SH3RF1: variants seen among roughly 807,000 people sequenced by gnomAD.
The protein encoded by SH3RF1 is SH3 domain containing ring finger 1.
SH3RF1 carries 32 observed loss-of-function variants against 74.0 expected under a neutral mutation model. The ratio of observed to expected loss-of-function variants is 0.43; its 90% CI spans 0.33 to 0.58. SH3RF1 has a LOEUF of 0.58. Among genes scored for constraint, SH3RF1 ranks in the 20% least tolerant of loss-of-function variants. SH3RF1 has a pLI of 0.05. For missense variants in SH3RF1, 954 were observed against 1,130.9 expected (o/e 0.84, Z 2.24); for synonymous variants, 396 against 439.6 (o/e 0.90, Z 1.24).
chr4:169,111,890 C>A (rs1383319782), intron 10 of SH3RF1, among the ~76,000 whole-genome samples: 2 of 152,192 alleles, frequency 1.3e-5, no homozygotes, highest in Non-Finnish European at 1.5e-5. Flanking sequence ...GAGATTTTAA[C>A]ACAAGGACAA....
At chr4:169,146,773 T>C (rs1285827530) in intron 4 of SH3RF1, among the ~76,000 whole-genome samples, 2 of 151,970 alleles carry the variant, frequency 1.3e-5, no homozygotes, top group African/African-American at 2.4e-5. Flanking sequence ...GGGAGTGTAG[T>C]CAAGGAATAG....
chr4:169,189,680 C>T (rs528240473), intron 2 of SH3RF1, among the ~76,000 whole-genome samples: 1 of 152,274 alleles, frequency 6.6e-6, no homozygotes, highest in South Asian at 2.1e-4. Flanking sequence ...ACCAGGCAGG[C>T]GTGGGCTCCT....
intron 2 of SH3RF1, among the ~76,000 whole-genome samples, chr4:169,187,514 T>A (rs1561047874): frequency 7.8e-6 from 1 of 127,704 alleles, no homozygotes; most frequent in Non-Finnish European, 1.6e-5. Context: ...TACAACGAAT[T>A]TCTGTGTGTG....
At chr4:169,184,853 C>T (rs62332723) in intron 2 of SH3RF1, among the ~76,000 whole-genome samples, 1 of 152,110 alleles carries the variant, frequency 6.6e-6, no homozygotes, top group Non-Finnish European at 1.5e-5. Flanking sequence ...CAGTAGAAAA[C>T]AGACAGCAGT....
At chr4:169,104,901 CA>C (rs35396121) in intron 11 of SH3RF1, among the ~76,000 whole-genome samples, 7,936 of 89,070 alleles carry the variant, frequency 0.089, 244 homozygotes, top group African/African-American at 0.17. Context: ...ACTCCCATCT[CA>C]AAAAAAAAAA....
intron 2 of SH3RF1, among the ~76,000 whole-genome samples, chr4:169,190,886 G>C (rs1343526408): frequency 6.6e-6 from 1 of 152,160 alleles, no homozygotes; most frequent in African/African-American, 2.4e-5. Flanking sequence ...GATCAAGTGG[G>C]TTTCATAAAA....
At chr4:169,171,712 T>C (rs1734330168) in intron 2 of SH3RF1, among the ~76,000 whole-genome samples, 1 of 152,152 alleles carries the variant, frequency 6.6e-6, no homozygotes. Flanking sequence ...GTGAAAACTA[T>C]AACAATTATG....
intron 2 of SH3RF1, among the ~76,000 whole-genome samples, chr4:169,196,704 T>C (rs984385434): frequency 1.3e-5 from 2 of 152,200 alleles, no homozygotes; most frequent in African/African-American, 4.8e-5. Flanking sequence ...GACTTTTTTA[T>C]ACTTTATCTT....
At chr4:169,214,662 T>C (rs891284088) in intron 2 of SH3RF1, among the ~76,000 whole-genome samples, 2 of 152,208 alleles carry the variant, frequency 1.3e-5, no homozygotes, top group Non-Finnish European at 2.9e-5. Flanking sequence ...TAGCTATAAG[T>C]ATATAGGTCC....
At chr4:169,210,589 T>C (rs1288626014) in intron 2 of SH3RF1, among the ~76,000 whole-genome samples, 1 of 152,226 alleles carries the variant, frequency 6.6e-6, no homozygotes, top group Non-Finnish European at 1.5e-5. Flanking sequence ...TAATAACATG[T>C]TAAATTAAGT....
intron 2 of SH3RF1, among the ~76,000 whole-genome samples, chr4:169,234,940 C>T (rs1730803850): frequency 6.6e-6 from 1 of 152,080 alleles, no homozygotes; most frequent in Admixed American, 6.6e-5. Context: ...CACCCCATGA[C>T]AAAATGTCAC....
At chr4:169,206,187 A>G (rs1730254163) in intron 2 of SH3RF1, among the ~76,000 whole-genome samples, 1 of 152,234 alleles carries the variant, frequency 6.6e-6, no homozygotes, top group Admixed American at 6.5e-5. Context: ...AAATATGATA[A>G]AACCTATGGA....
At chr4:169,101,873 G>A (rs911407288) in intron 11 of SH3RF1, among the ~76,000 whole-genome samples, 13 of 151,972 alleles carry the variant, frequency 8.6e-5, no homozygotes, top group African/African-American at 2.9e-4. Context: ...AACTGCCAAG[G>A]TACAATTCAA....
At chr4:169,207,362 G>A (rs1730278811) in intron 2 of SH3RF1, among the ~76,000 whole-genome samples, 1 of 152,152 alleles carries the variant, frequency 6.6e-6, no homozygotes, top group Admixed American at 6.5e-5. Flanking sequence ...AAGAGTTTAA[G>A]GTTACAGTGA....
chr4:169,146,159 A>T (rs71643119), intron 4 of SH3RF1, among the ~76,000 whole-genome samples: 3,889 of 100,264 alleles, frequency 0.039, 93 homozygotes, highest in African/African-American at 0.068. Flanking sequence ...TATATAAAAT[A>T]TTATATATCT....
chr4:169,133,156 C>T (rs6838367), intron 5 of SH3RF1, among the ~76,000 whole-genome samples: 271 of 152,176 alleles, frequency 1.8e-3, no homozygotes, highest in African/African-American at 6.1e-3. Context: ...TGGAAGGTGC[C>T]GAGGTCCCTA....
chr4:169,266,841 C>G (rs957340050), intron 2 of SH3RF1, among the ~76,000 whole-genome samples: 2 of 152,184 alleles, frequency 1.3e-5, no homozygotes, highest in African/African-American at 4.8e-5. Context: ...AGTATTGCAT[C>G]AATTGCATCA....
intron 2 of SH3RF1, among the ~76,000 whole-genome samples, chr4:169,226,228 T>C (rs896576461): frequency 6.6e-6 from 1 of 152,140 alleles, no homozygotes; most frequent in Admixed American, 6.6e-5. Context: ...CCCCAGACAA[T>C]GCAAATCACG....
chr4:169,216,283 GA>G (rs1205226058), intron 2 of SH3RF1, among the ~76,000 whole-genome samples: 4 of 151,896 alleles, frequency 2.6e-5, no homozygotes, highest in East Asian at 1.9e-4. Context: ...AAAAAGCTTC[GA>G]AAAAATTGGA....
Sources: allele counts gnomAD v4.1 joint callset (sites outside exome capture counted in the v4.1 genomes callset), GRCh38; gene constraint gnomAD v4.1.1; transcripts MANE v1.5; gene names NCBI Gene and HGNC (gene_info 2026-07-23, HGNC 2026-07-21).